The following GFPT1 variants were observed in gnomAD, a reference collection of about 807,000 sequenced individuals.
GFPT1 encodes glutamine--fructose-6-phosphate transaminase 1.
In GFPT1, 40 loss-of-function variants were observed where a neutral mutation model predicts 92.0. That is an observed-to-expected ratio of 0.43 (90% CI 0.34 to 0.57). The LOEUF (loss-of-function observed/expected upper bound fraction) is 0.57, where lower values mean the gene tolerates loss of function less well. Among genes scored for constraint, GFPT1 ranks in the 20% least tolerant of loss-of-function variants. GFPT1 has a pLI of 0.02. For missense variants in GFPT1, 448 were observed against 869.1 expected (o/e 0.52, Z 6.09); for synonymous variants, 269 against 280.6 (o/e 0.96, Z 0.41).
At chr2:69,354,781 C>T (rs371266999) in intron 7 of GFPT1, among the ~76,000 whole-genome samples, 34 of 152,264 alleles carry the variant, frequency 2.2e-4, no homozygotes, top group African/African-American at 7.9e-4. Context: ...CTTCAGGAGG[C>T]CTAGGCAGGC....
rs1671131640 is a variant in GFPT1 at position 69,348,332 on chromosome 2, G to A, written c.848C>T (p.Ala283Val). 1 of 1,608,140 alleles carries A rather than the reference G, an allele frequency of 6.2e-7. No homozygotes were observed. The highest frequency in any genetic ancestry group is 1.7e-5 in the Admixed American group (1 of 59,984). The change falls in exon 11 of 20, where the codon GCT becomes GTT. Residue 283 changes from alanine to valine, a missense_variant and splice_region_variant. Coordinates refer to ENST00000357308, the MANE Select transcript of GFPT1 (RefSeq NM_001244710.2). ...GACGCGATTGGTGTGTTCTATGACA[G>A]CACTATAAAGTTTTCAAGGAGATAT... ...VEYYFASDAS[A>V]VIEHTNRVIF...
intron 11 of GFPT1, 140 bp downstream of exon 11, chr2:69,348,031 T>G (rs1490336552): frequency 5.4e-6 from 4 of 736,788 alleles, no homozygotes; most frequent in Non-Finnish European, 9.7e-6. Flanking sequence ...GAATCATCCC[T>G]TTTCCTAGCG....
intron 1 of GFPT1, among the ~76,000 whole-genome samples, chr2:69,380,464 T>A (rs981966276): frequency 3.3e-5 from 5 of 152,254 alleles, no homozygotes; most frequent in African/African-American, 7.2e-5. Context: ...TCCCCTACTT[T>A]ACTGTAACTA....
At chr2:69,343,013 C>T (rs1670989044) in intron 12 of GFPT1, among the ~76,000 whole-genome samples, 1 of 152,186 alleles carries the variant, frequency 6.6e-6, no homozygotes, top group South Asian at 2.1e-4. Context: ...TGTTCTCCAC[C>T]TCCTGGAGTC....
intron 1 of GFPT1, among the ~76,000 whole-genome samples, chr2:69,384,693 C>CAAAAAAAAAAAAAAAAAAAAAAAAAAA (rs71964630): frequency 9.4e-5 from 10 of 106,620 alleles, no homozygotes; most frequent in South Asian, 3.0e-4. Context: ...GGCCCCGTCA[C>CAAAAAAAAAAAAAAAAAAAAAAAAAAA]AAAAAAAAAA....
At chr2:69,340,879 C>T (rs1466965911) in intron 13 of GFPT1, among the ~76,000 whole-genome samples, 2 of 152,124 alleles carry the variant, frequency 1.3e-5, no homozygotes, top group African/African-American at 4.8e-5. Flanking sequence ...ATCAAATTTT[C>T]TATTTCTGAA....
intron 15 of GFPT1, 77 bp downstream of exon 15, chr2:69,337,821 C>A (rs1670838092): frequency 2.6e-6 from 3 of 1,150,392 alleles, no homozygotes; most frequent in Non-Finnish European, 3.9e-6. Flanking sequence ...AAATAAGATA[C>A]AGACTAGTCT....
chr2:69,380,076 G>A (rs1671971874), intron 1 of GFPT1, among the ~76,000 whole-genome samples: 1 of 151,910 alleles, frequency 6.6e-6, no homozygotes, highest in Admixed American at 6.6e-5. Context: ...CGTGGCTCAC[G>A]CCTGTAATCC....
chr2:69,374,535 A>T (rs193125245), intron 1 of GFPT1, among the ~76,000 whole-genome samples: 2 of 152,018 alleles, frequency 1.3e-5, no homozygotes, highest in Non-Finnish European at 2.9e-5. Flanking sequence ...GGATGGTCTC[A>T]ATCTCCTGAC....
intron 7 of GFPT1, among the ~76,000 whole-genome samples, chr2:69,355,320 C>T (rs1049531873): frequency 6.6e-6 from 1 of 152,074 alleles, no homozygotes; most frequent in Non-Finnish European, 1.5e-5. Context: ...TCAAGCAATC[C>T]ACCCATCTCA....
At chr2:69,356,646 T>C in intron 6 of GFPT1, 89 bp from the exon 7 acceptor site, 6 of 917,946 alleles carry the variant, frequency 6.5e-6, no homozygotes. Context: ...GCAGAAATTT[T>C]TTGTTCACAC....
intron 3 of GFPT1, among the ~76,000 whole-genome samples, chr2:69,366,305 T>A (rs1056317574): frequency 6.6e-6 from 1 of 152,224 alleles, no homozygotes; most frequent in Non-Finnish European, 1.5e-5. Context: ...ATTATTGCTA[T>A]GACAATAAGC....
At chr2:69,363,186 C>T (rs1671518390) in intron 4 of GFPT1, among the ~76,000 whole-genome samples, 1 of 152,188 alleles carries the variant, frequency 6.6e-6, no homozygotes, top group South Asian at 2.1e-4. Flanking sequence ...TCACTGCAGC[C>T]TCTACCTCCT....
rs1277562496 is a variant in GFPT1 at position 69,359,350 on chromosome 2, G to C, written c.350-24C>G. ...TTCTAAAAGAGGTAAAAGTGTTGAA[G>C]ACAAAAAAGTTAGAAGTATGATAAA... On this transcript the variant is annotated intron_variant, in intron 4 of 19. Transcript: ENST00000357308. 5.1e-6 allele frequency: 7 copies of C among 1,369,846 alleles called. No homozygotes were observed. The Admixed American group carries it at 1.0e-4, about 20-fold the overall frequency. 84.9% of individuals were successfully genotyped at this position (1,369,846 alleles called of 1,614,324 possible).
intron 16 of GFPT1, 44 bp from the exon 17 acceptor site, chr2:69,329,468 T>C (rs1670607747): frequency 1.4e-6 from 2 of 1,435,438 alleles, no homozygotes; most frequent in Middle Eastern, 1.7e-4. Context: ...ACCAAACAAA[T>C]AAAATAACAA....
intron 1 of GFPT1, among the ~76,000 whole-genome samples, chr2:69,379,509 T>G (rs1671955862): frequency 6.6e-6 from 1 of 152,106 alleles, no homozygotes; most frequent in African/African-American, 2.4e-5. Context: ...ACATTTAAGA[T>G]TTCTTTAAAA....
intron 13 of GFPT1, among the ~76,000 whole-genome samples, chr2:69,340,150 T>C (rs916734735): frequency 1.3e-5 from 2 of 149,542 alleles, no homozygotes; most frequent in Non-Finnish European, 3.0e-5. Flanking sequence ...CTTTTTTTTT[T>C]TTTTTTTTTT....
intron 10 of GFPT1, among the ~76,000 whole-genome samples, chr2:69,349,717 A>T (rs1195381062): frequency 6.6e-6 from 1 of 152,220 alleles, no homozygotes; most frequent in Non-Finnish European, 1.5e-5. Flanking sequence ...TAGTTTAGCA[A>T]CTATGCTATA....
intron 2 of GFPT1, among the ~76,000 whole-genome samples, chr2:69,370,316 T>C (rs1209755710): frequency 1.3e-5 from 2 of 152,224 alleles, no homozygotes; most frequent in African/African-American, 2.4e-5. Context: ...ATTCCTGTCC[T>C]CAAATTTCTA....
Sources: gnomAD v4.1 joint callset for allele counts (sites outside exome capture counted in the v4.1 genomes callset) on GRCh38, gnomAD v4.1.1 for gene constraint, MANE v1.5 for transcripts, NCBI Gene and HGNC (gene_info 2026-07-23, HGNC 2026-07-21) for gene names.